Variants in C17orf58 observed in about 807,000 individuals in gnomAD.
C17orf58 encodes the protein UPF0450 protein C17orf58.
In C17orf58, 5 loss-of-function variants were observed where a neutral mutation model predicts 7.4. The observed-to-expected ratio is 0.67, with a 90% CI of 0.35 to 1.42. The LOEUF is 1.42. Ranked by LOEUF, C17orf58 falls within the 40% of genes most tolerant of loss-of-function variation. C17orf58 has a pLI of 0.04. For missense variants in C17orf58, 162 were observed against 174.2 expected, an observed-to-expected ratio of 0.93 and a Z score of 0.40; for synonymous variants, 60 against 70.6, an observed-to-expected ratio of 0.85 and a Z score of 0.75.
rs2070859495 is a variant in C17orf58, at chr17:67,993,501, T to G, written c.560A>C (p.Glu187Ala). The G allele has an allele frequency of 2.5e-6, 1 of 394,312 alleles. No homozygotes were observed. 24.4% of individuals were successfully genotyped at this position (394,312 alleles called of 1,614,324 possible). Residue 187 changes from glutamate to alanine, a missense_variant, in exon 2 of 4, where the codon GAG (glutamate) becomes GCG (alanine). Physicochemically the swap from Glu to Ala is moderately radical, Grantham distance 107. This residue lies in a region of C17orf58 where 93 missense variants were observed against 90.4 expected (regional missense o/e 1.03). Coordinates refer to ENST00000580729, the MANE Select transcript of C17orf58 (RefSeq NM_001382359.1). The surrounding 1 kb of genome is among the most constrained non-coding windows in gnomAD (Gnocchi z 5.1). ...FGLSPPQRDAEPGAEPCARAC... is the reference protein window; with the variant it reads ...FGLSPPQRDAAPGAEPCARAC... The stretch of plus-strand genomic sequence containing the variant: ...GCGCGCGCAGGGCTCAGCGCCGGGC[T>G]CCGCGTCCCTCTGCGGCGGGCTGAG...
In C17orf58 at chr17:67,991,282, C is replaced by T. The variant is rs2070827124; in HGVS notation, c.*631G>A. On this transcript the variant is annotated 3_prime_UTR_variant, in exon 4 of 4. Transcript: ENST00000580729. Reference sequence around the variant, plus strand: ...AACTATATCTTACTTTTTGGTACGTCAGGAACACTTTTGCCTGAAGTAAGC... The same window carrying T: ...AACTATATCTTACTTTTTGGTACGTTAGGAACACTTTTGCCTGAAGTAAGC... The T allele has an allele frequency of 6.6e-6, 1 of 152,174 alleles. No individual in the cohort carries two copies. Among genetic ancestry groups the T allele is most frequent in the Non-Finnish European group, 1.5e-5 (1 of 68,038 alleles). 9.4% of individuals were successfully genotyped at this position (152,174 alleles called of 1,614,324 possible).
chr17:67,993,503 C>T lies in C17orf58; in HGVS notation c.558G>A (p.Ala186=). The change falls in exon 2 of 4, where the codon GCG becomes GCA. Residue 186 remains alanine, a synonymous_variant. Transcript: ENST00000580729. The surrounding 1 kb of genome is among the most constrained non-coding windows in gnomAD (Gnocchi z 5.1). ...SFGLSPPQRD[A]EPGAEPCARA... ...GCGCGCAGGGCTCAGCGCCGGGCTC[C>T]GCGTCCCTCTGCGGCGGGCTGAGGC... The T allele has an allele frequency of 7.6e-6, 3 of 394,690 alleles. No individual in the cohort carries two copies. In the East Asian group the frequency reaches 1.1e-4, roughly 14 times the overall value. 24.4% of individuals were successfully genotyped at this position (394,690 alleles called of 1,614,324 possible).
chr17:67,996,166 C>G lies in C17orf58; in HGVS notation c.33G>C (p.Leu11Phe), dbSNP rs1313952016. 2 of 399,068 alleles carry G rather than the reference C, an allele frequency of 5.0e-6. No individual in the cohort carries two copies. The highest frequency in any genetic ancestry group is 8.8e-6 in the Non-Finnish European group (2 of 226,104). 24.7% of individuals were successfully genotyped at this position (399,068 alleles called of 1,614,324 possible). A position where few individuals can be genotyped will look rare whatever the true frequency, so the allele number is the denominator to read the frequency against. Residue 11 changes from leucine (L) to phenylalanine (F), a missense_variant, in exon 1 of 4, where the codon TTG (leucine) becomes TTC (phenylalanine). Physicochemically the swap from Leu to Phe is conservative, Grantham distance 22. Transcript: ENST00000580729. MTARAFWLLC[L>F]IVGSSPEAPV... ...GTGCTTCGGGGGATGATCCGACGAT[C>G]AAACAGAGGAGCCAGAAAGCTCTAG...
In C17orf58 at chr17:67,991,737, C is replaced by A; in HGVS notation, c.*176G>T. ...GCTCAGGAGCAGCCCATTTAAGAAG[C>A]ATCTTGTAAATAACAAAGTGACACC... On this transcript the variant is annotated 3_prime_UTR_variant, in exon 4 of 4. Coordinates refer to ENST00000580729, the MANE Select transcript of C17orf58 (RefSeq NM_001382359.1). 1 of 516,550 alleles carries A rather than the reference C, an allele frequency of 1.9e-6. No homozygotes were observed. Among genetic ancestry groups the A allele is most frequent in the Non-Finnish European group, 3.4e-6 (1 of 296,182 alleles). 32.0% of individuals were successfully genotyped at this position (516,550 alleles called of 1,614,324 possible). A position where few individuals can be genotyped will look rare whatever the true frequency, so the allele number is the denominator to read the frequency against.
chr17:67,992,837 G>T lies in C17orf58; in HGVS notation c.829+207C>A. ...GACAGCCCGCTTTGTGCCAACCCTTGCTGTTCTCACCCTTGAGGGTGGGGG... is the reference window on the plus strand; with the variant it reads ...GACAGCCCGCTTTGTGCCAACCCTTTCTGTTCTCACCCTTGAGGGTGGGGG... On this transcript the variant is annotated intron_variant, in intron 3 of 3. Coordinates refer to ENST00000580729, the MANE Select transcript of C17orf58 (RefSeq NM_001382359.1). 1.9e-6 allele frequency: 3 copies of T among 1,550,498 alleles called. No individual in the cohort carries two copies. In the Middle Eastern group the frequency reaches 5.2e-4, roughly 266 times the overall value.
At chr17:67,994,553 C>T (rs1200093366) in intron 1 of C17orf58, among the ~76,000 whole-genome samples, 1 of 87,942 alleles carries the variant, frequency 1.1e-5, no homozygotes, top group Non-Finnish European at 2.6e-5. Flanking sequence ...ATATAAACAT[C>T]CGCCTCTTTG....
At position 67,992,012 on chromosome 17, in the gene C17orf58, T is replaced by C. The variant is rs2148736156; in HGVS notation, c.921A>G (p.Pro307=). 6.2e-7 allele frequency: 1 copy of C among 1,613,160 alleles called. No homozygotes were observed. Among genetic ancestry groups the C allele is most frequent in the Non-Finnish European group, 8.5e-7 (1 of 1,179,576 alleles). ...TGCTGCTCCTTAGCAGTCCATCCCC[T>C]GGACGGAGGCGGCCTCTCAGGACCT... ...LLQVLRGRLR[P]GDGLLRSSSS... is the part of the protein sequence containing the mutation. The change falls in exon 4 of 4, where the codon CCA becomes CCG. Residue 307 remains proline (P), a synonymous_variant. Transcript: ENST00000580729.
rs782409920 is a variant in C17orf58, at chr17:67,993,066, C to A, written c.807G>T (p.Lys269Asn). Reference sequence around the variant, plus strand: ...TACCAGGTTTAAACTCTGGACACGGCTTATTGCAGCTGGAGGAGTCCAGGG... The same window carrying A: ...TACCAGGTTTAAACTCTGGACACGGATTATTGCAGCTGGAGGAGTCCAGGG... ...MLALDSSSCN[K>N]PCPEFKPGSR... Residue 269 changes from lysine (K) to asparagine (N), a missense_variant, in exon 3 of 4, where the codon AAG becomes AAT. Physicochemically the swap from Lys to Asn is moderately conservative, Grantham distance 94 (BLOSUM62 0). This residue lies in a region of C17orf58 where 93 missense variants were observed against 90.4 expected (regional missense o/e 1.03). Transcript: ENST00000580729. The surrounding 1 kb of genome is among the most constrained non-coding windows in gnomAD (Gnocchi z 5.1). 1.9e-6 allele frequency: 3 copies of A among 1,614,176 alleles called. No homozygotes were observed. In the East Asian group the frequency reaches 6.7e-5, roughly 36 times the overall value.
chr17:67,995,707 C>A (rs1257628920), intron 1 of C17orf58, among the ~76,000 whole-genome samples: 11 of 152,126 alleles, frequency 7.2e-5, no homozygotes, highest in Non-Finnish European at 1.3e-4. Flanking sequence ...CGCTTCCCCC[C>A]AGCCCTCCAC....
chr17:67,992,484 C>T (rs1322836506), intron 3 of C17orf58, among the ~76,000 whole-genome samples: 1 of 144,230 alleles, frequency 6.9e-6, no homozygotes, highest in Admixed American at 7.4e-5. Flanking sequence ...AGGATAATCG[C>T]TTGAACCCGG....
At chr17:67,992,210 G>T in intron 3 of C17orf58, 107 bp from the exon 4 acceptor site, 1 of 1,011,798 alleles carries the variant, frequency 9.9e-7, no homozygotes, top group Non-Finnish European at 1.4e-6. Context: ...TTATCTTGCT[G>T]CACAAGTTGA....
chr17:67,992,977 G>T, intron 3 of C17orf58, 67 bp downstream of exon 3: 2 of 1,614,184 alleles, frequency 1.2e-6, no homozygotes, highest in Non-Finnish European at 1.7e-6. Flanking sequence ...AGCCCGGGCT[G>T]TGGCACCCAC....
At position 67,992,002 on chromosome 17, in the gene C17orf58, G is replaced by C. The variant is rs2070837141; in HGVS notation, c.931C>G (p.Leu311Val). The C allele has an allele frequency of 6.2e-7, 1 of 1,613,038 alleles. No individual in the cohort carries two copies. The highest frequency in any genetic ancestry group is 1.3e-5 in the African/African-American group (1 of 74,908). ...LRGRLRPGDG[L>V]LRSSSSYVKR... ...ACATAGCTGCTGCTGCTCCTTAGCAGTCCATCCCCTGGACGGAGGCGGCCT... is the reference window on the plus strand; with the variant it reads ...ACATAGCTGCTGCTGCTCCTTAGCACTCCATCCCCTGGACGGAGGCGGCCT... The change falls in exon 4 of 4, where the codon CTG becomes GTG. Residue 311 changes from leucine to valine, a missense_variant. Physicochemically the swap from Leu to Val is conservative, Grantham distance 32 (BLOSUM62 1). Transcript: ENST00000580729.
rs1555699427 is a variant in C17orf58 at position 67,993,121 on chromosome 17, T to C, written c.752A>G (p.Asp251Gly). Residue 251 changes from aspartate (D) to glycine (G), a missense_variant, in exon 3 of 4, where the codon GAC (aspartate) becomes GGC (glycine). Physicochemically the swap from Asp to Gly is moderately conservative, Grantham distance 94. This residue lies in a region of C17orf58 where 93 missense variants were observed against 90.4 expected (regional missense o/e 1.03). Transcript: ENST00000580729. The surrounding 1 kb of genome is among the most constrained non-coding windows in gnomAD (Gnocchi z 5.1). ...YKMNRLYLTPDGFFFRVHMLA... is the reference protein window; with the variant it reads ...YKMNRLYLTPGGFFFRVHMLA... ...CATGTGGACTCGGAAGAAGAAGCCG[T>C]CGGGGGTGAGGTACAGGCGGTTCAT... The C allele has an allele frequency of 6.2e-7, 1 of 1,613,866 alleles. No homozygotes were observed. The highest frequency in any genetic ancestry group is 2.2e-5 in the East Asian group (1 of 44,878).
Position 67,996,433 on chromosome 17 carries a change from T to G in C17orf58, c.-235A>C. ...GGCCTTGCAAAGTTGTCCCCGGGAATGTCTGTCCTGTGATCTGCGGGCGAG... is the reference window on the plus strand; with the variant it reads ...GGCCTTGCAAAGTTGTCCCCGGGAAGGTCTGTCCTGTGATCTGCGGGCGAG... On this transcript the variant is annotated 5_prime_UTR_variant, in exon 1 of 4. Transcript: ENST00000580729. 3.0e-6 allele frequency: 1 copy of G among 338,060 alleles called. No homozygotes were observed. The highest frequency in any genetic ancestry group is 4.5e-5 in the East Asian group (1 of 22,070). 20.9% of individuals were successfully genotyped at this position (338,060 alleles called of 1,614,324 possible).
rs1269143213 is a variant in C17orf58 at position 67,993,265 on chromosome 17, C to T, written c.638-30G>A. The T allele has an allele frequency of 1.2e-5, 16 of 1,375,126 alleles. No homozygotes were observed. The highest frequency in any genetic ancestry group is 4.3e-5 in the African/African-American group (3 of 69,452). The allele number at this position is 1,375,126 out of a possible 1,614,324, so 85.2% of individuals were successfully genotyped here. On this transcript the variant is annotated intron_variant, in intron 2 of 3. Transcript: ENST00000580729. The surrounding 1 kb of genome is among the most constrained non-coding windows in gnomAD (Gnocchi z 5.1). ...TTCCGAAAAACAGTTTGGAGAAGAG[C>T]ATTACCCCGAGTTCCTCTCCCAGTC...
chr17:67,994,516 G>GTGTATATATATATATATATA (rs1244199425), intron 1 of C17orf58, among the ~76,000 whole-genome samples: 2 of 89,542 alleles, frequency 2.2e-5, no homozygotes, highest in African/African-American at 7.5e-5. Flanking sequence ...GTGTGTGTGT[G>GTGTATATATATATATATATA]TATATATATA....
Position 67,991,874 on chromosome 17 carries a change from C to G in C17orf58, c.*39G>C. ...ACCTTTCATGTCTTGTTGCCGACGT[C>G]CAAGTCTCTTGCGGTCCAGAAATGC... On this transcript the variant is annotated 3_prime_UTR_variant, in exon 4 of 4. Transcript: ENST00000580729. 3 of 1,538,546 alleles carry G rather than the reference C, an allele frequency of 1.9e-6. No homozygotes were observed. The highest frequency in any genetic ancestry group is 2.6e-6 in the Non-Finnish European group (3 of 1,134,856).
At chr17:67,995,503 C>A (rs1217266266) in intron 1 of C17orf58, among the ~76,000 whole-genome samples, 2 of 152,218 alleles carry the variant, frequency 1.3e-5, no homozygotes, top group Non-Finnish European at 2.9e-5. Flanking sequence ...ACAGAACATC[C>A]AAATAAAAGC....
Sources: gnomAD v4.1 joint callset for allele counts (sites outside exome capture counted in the v4.1 genomes callset) on GRCh38, gnomAD v4.1.1 for gene constraint, gnomAD v4.1.1 regional missense constraint, Gnocchi (gnomAD v3.1) non-coding constraint, MANE v1.5 for transcripts, NCBI Gene and HGNC (gene_info 2026-07-23, HGNC 2026-07-21) for gene names.